The following ATAD3C variants were observed in gnomAD, a reference collection of about 807,000 sequenced individuals.
The protein encoded by ATAD3C is ATPase family AAA domain-containing protein 3C.
A neutral mutation model predicts 46.3 loss-of-function variants in ATAD3C; 38 were observed. That is an observed-to-expected ratio of 0.82 (90% CI 0.63 to 1.08). The LOEUF is 1.08. ATAD3C is among the 50% of genes least tolerant of loss of function. The pLI, the probability that ATAD3C is intolerant of heterozygous loss-of-function variation, is 0.00. For missense variants in ATAD3C, 563 were observed against 572.7 expected, an observed-to-expected ratio of 0.98 and a Z score of 0.17; for synonymous variants, 220 against 236.4, an observed-to-expected ratio of 0.93 and a Z score of 0.63.
At position 1,469,717 on chromosome 1, in the gene ATAD3C, G is replaced by T. The variant is rs1639210602; in HGVS notation, c.*1187G>T. 1.4e-5 allele frequency: 2 copies of T among 147,986 alleles called. No individual in the cohort carries two copies. The highest frequency in any genetic ancestry group is 3.0e-5 in the Non-Finnish European group (2 of 67,272). The allele number at this position is 147,986 out of a possible 1,614,324, so 9.2% of individuals were successfully genotyped here. A position where few individuals can be genotyped will look rare whatever the true frequency, so the allele number is the denominator to read the frequency against. On this transcript the variant is annotated 3_prime_UTR_variant, in exon 12 of 12. Transcript: ENST00000378785. ...TTGGCAATAGAGTCTTGCTCGCCCA[G>T]GGTGGAGTGCAGTGGTGTGATCTCG... is the stretch of plus-strand genomic sequence containing the variant.
chr1:1,468,337 G>T (rs765633868), intron 11 of ATAD3C, 47 bp from the exon 12 acceptor site: 4 of 1,576,626 alleles, frequency 2.5e-6, no homozygotes, highest in South Asian at 1.2e-5. Flanking sequence ...CATTTGGGGT[G>T]GGGGGTTCCC....
In ATAD3C at chr1:1,455,721, T is replaced by C. The variant is rs572516167; in HGVS notation, c.439-70T>C. On this transcript the variant is annotated intron_variant, in intron 5 of 11. Transcript: ENST00000378785. ...GAGCGGAGTCCACACCCAGGCATTC[T>C]CGCAGCCCCTGCCCCCGAGGCTTCT... is the stretch of plus-strand genomic sequence containing the variant. The C allele has an allele frequency of 6.9e-6, 11 of 1,597,760 alleles. No individual in the cohort carries two copies. The African/African-American group carries it at 1.3e-4, about 20-fold the overall frequency.
chr1:1,457,193 A>C lies in ATAD3C; in HGVS notation c.741+13A>C, dbSNP rs768550667. On this transcript the variant is annotated intron_variant, in intron 8 of 11. Coordinates refer to ENST00000378785, the MANE Select transcript of ATAD3C (RefSeq NM_001039211.3). ...GAAGCGAGCCACTGTGAGTGTCACT[A>C]AGCCTCTGTCTGGCCACAGGAGGGT... 1 of 1,613,336 alleles carries C rather than the reference A, an allele frequency of 6.2e-7. No homozygotes were observed. The highest frequency in any genetic ancestry group is 1.7e-5 in the Admixed American group (1 of 59,960).
intron 7 of ATAD3C, 88 bp from the exon 8 acceptor site, chr1:1,457,041 G>C: frequency 6.3e-7 from 1 of 1,576,234 alleles, no homozygotes; most frequent in Non-Finnish European, 8.7e-7. Context: ...GGATCTGCCT[G>C]CTTGGCCTGC....
chr1:1,465,886 GA>G (rs1639135335), intron 11 of ATAD3C, among the ~76,000 whole-genome samples: 1 of 151,928 alleles, frequency 6.6e-6, no homozygotes, highest in Non-Finnish European at 1.5e-5. Flanking sequence ...TTACTCAGAG[GA>G]AAAGCTGCCA....
Position 1,450,562 on chromosome 1 carries a change from G to T in ATAD3C, c.-122G>T. On this transcript the variant is annotated 5_prime_UTR_variant, in exon 1 of 12. Transcript: ENST00000378785. ...GGAAGGAGGATGGGGAGGCAGGGCT[G>T]GGGGCTTTGAGGTCGAGGCGTGGCC... 1 of 1,270,260 alleles carries T rather than the reference G, an allele frequency of 7.9e-7. No individual in the cohort carries two copies. The highest frequency in any genetic ancestry group is 1.1e-6 in the Non-Finnish European group (1 of 901,746). The allele number at this position is 1,270,260 out of a possible 1,614,324, so 78.7% of individuals were successfully genotyped here.
rs761731541 is a variant in ATAD3C at position 1,468,614 on chromosome 1, A to G, written c.*84A>G. 131 of 1,586,058 alleles carry G rather than the reference A, an allele frequency of 8.3e-5. 1 individual carries two copies. The highest frequency in any genetic ancestry group is 7.2e-4 in the Middle Eastern group (4 of 5,562). ...TTGCGGCCCCGCACATTTAGGAAAT[A>G]CTCCCCGTAATAAAGTCCCACGGGG... On this transcript the variant is annotated 3_prime_UTR_variant, in exon 12 of 12. Transcript: ENST00000378785.
At chr1:1,463,261 C>A (rs530987635) in intron 11 of ATAD3C, among the ~76,000 whole-genome samples, 2 of 152,034 alleles carry the variant, frequency 1.3e-5, no homozygotes, top group Non-Finnish European at 2.9e-5. Flanking sequence ...AGTGTGGGCA[C>A]GGCCATCCAG....
intron 8 of ATAD3C, among the ~76,000 whole-genome samples, chr1:1,457,895 C>G (rs920290088): frequency 6.7e-6 from 1 of 150,280 alleles, no homozygotes; most frequent in African/African-American, 2.4e-5. Context: ...CCATGATGGT[C>G]TAGATCTCTT....
Position 1,455,922 on chromosome 1 carries a change from A to T in ATAD3C, c.564+6A>T, listed in dbSNP as rs1230648005. The T allele has an allele frequency of 1.9e-6, 3 of 1,612,932 alleles. No individual in the cohort carries two copies. Among genetic ancestry groups the T allele is most frequent in the African/African-American group, 1.3e-5 (1 of 74,962 alleles). The stretch of plus-strand genomic sequence containing the variant: ...GGAAGACGCTGTTTGCCAAGGTGAG[A>T]GTGCCTAGCTGAACAGGTGGGCCAG... On this transcript the variant is annotated splice_donor_region_variant and intron_variant, in intron 6 of 11. Coordinates refer to ENST00000378785, the MANE Select transcript of ATAD3C (RefSeq NM_001039211.3).
At chr1:1,451,918 T>C in intron 1 of ATAD3C, 128 bp from the exon 2 acceptor site, 1 of 1,443,294 alleles carries the variant, frequency 6.9e-7, no homozygotes, top group Admixed American at 2.4e-5. Flanking sequence ...GGGTGCGGCG[T>C]CTGCAGGTCC....
chr1:1,468,452 T>C lies in ATAD3C; in HGVS notation c.1158T>C (p.Phe386=). 7 of 1,613,020 alleles carry C rather than the reference T, an allele frequency of 4.3e-6. No homozygotes were observed. Among genetic ancestry groups the C allele is most frequent in the South Asian group, 2.2e-5 (2 of 90,936 alleles). Residue 386 remains phenylalanine, a synonymous_variant, in exon 12 of 12, where the codon TTT becomes TTC. Transcript: ENST00000378785. ...EAMMDACVQD[F]VQQHQQMMRW... ...TGATGGACGCCTGCGTGCAAGACTT[T>C]GTCCAGCAGCACCAGCAGATGATGC...
chr1:1,451,570 C>A (rs1638859671), intron 1 of ATAD3C, among the ~76,000 whole-genome samples: 1 of 151,820 alleles, frequency 6.6e-6, no homozygotes, highest in Non-Finnish European at 1.5e-5. Flanking sequence ...TAGTTTTGAA[C>A]TCCTGACCTC....
chr1:1,461,012 C>T (rs1191834459), intron 10 of ATAD3C, 95 bp downstream of exon 10: 1 of 1,403,810 alleles, frequency 7.1e-7, no homozygotes, highest in Non-Finnish European at 9.4e-7. Context: ...GGCCCTGTCT[C>T]CAGGATGGGC....
At chr1:1,455,399 C>G in intron 4 of ATAD3C, 61 bp from the exon 5 acceptor site, 7 of 1,592,084 alleles carry the variant, frequency 4.4e-6, no homozygotes, top group African/African-American at 1.3e-5. Flanking sequence ...CTTGTGTGTG[C>G]GTTGGTGGCT....
Position 1,462,632 on chromosome 1 carries a change from G to A in ATAD3C, c.1013G>A (p.Arg338Lys). 2 of 1,605,602 alleles carry A rather than the reference G, an allele frequency of 1.2e-6. No homozygotes were observed. Among genetic ancestry groups the A allele is most frequent in the Non-Finnish European group, 1.7e-6 (2 of 1,176,590 alleles). Residue 338 changes from arginine (R) to lysine (K), a missense_variant, in exon 11 of 12, where the codon AGG becomes AAG. Transcript: ENST00000378785. The surrounding 1 kb of genome is among the most constrained non-coding windows in gnomAD (Gnocchi z 4.5). Reference sequence around the variant, plus strand: ...AAGCTGGCCCAGTTTGACTACGGGAGGAAGTGCTTAGAGATCGCTCGGCTG... The same window carrying A: ...AAGCTGGCCCAGTTTGACTACGGGAAGAAGTGCTTAGAGATCGCTCGGCTG... ...RLKLAQFDYG[R>K]KCLEIARLTE... is the part of the protein sequence containing the mutation.
In ATAD3C at chr1:1,459,930, G is replaced by A. The variant is rs1054502809; in HGVS notation, c.812+699G>A. 6.6e-6 allele frequency among the ~76,000 whole-genome samples: 1 copy of A among 152,036 alleles called. No homozygotes were observed. The highest frequency in any genetic ancestry group is 1.5e-5 in the Non-Finnish European group (1 of 67,970). ...CGTGGCTGACTCCTCAGGCACGTTG[G>A]GCTCCTGGGTCAGCTGCTGCCGGTA... On this transcript the variant is annotated intron_variant, in intron 9 of 11. Coordinates refer to ENST00000378785, the MANE Select transcript of ATAD3C (RefSeq NM_001039211.3). This position sits in a 1 kb window ranked among gnomAD's most constrained non-coding sequence, Gnocchi z 4.9.
rs780147714 is a variant in ATAD3C at position 1,455,542 on chromosome 1, GGGGAGGCGCA to G, written c.438+30_438+39del. On this transcript the variant is annotated intron_variant, in intron 5 of 11. Transcript: ENST00000378785. ...AGTGTAAGTCGGTGTGCCTGGGACC[GGGGAGGCGCA>G]GGGAGGGGACCCCGGAGCTGGGCTG... The G allele has an allele frequency of 1.8e-5, 29 of 1,612,104 alleles. No homozygotes were observed. In the African/African-American group the frequency reaches 3.9e-4, roughly 22 times the overall value.
chr1:1,462,731 C>T lies in ATAD3C; in HGVS notation c.1089+23C>T, dbSNP rs1281764785. ...CAGGTGAGTCAGGCTCGGGTGCACC[C>T]ACCCAGATGGAAGCCCAGCTGCTGT... is the stretch of plus-strand genomic sequence containing the variant. On this transcript the variant is annotated intron_variant, in intron 11 of 11. Transcript: ENST00000378785. This position sits in a 1 kb window ranked among gnomAD's most constrained non-coding sequence, Gnocchi z 4.5. The T allele has an allele frequency of 6.3e-7, 1 of 1,583,884 alleles. No homozygotes were observed. The highest frequency in any genetic ancestry group is 1.8e-5 in the Admixed American group (1 of 55,548).
Sources: gnomAD v4.1 joint callset for allele counts (sites outside exome capture counted in the v4.1 genomes callset) on GRCh38, gnomAD v4.1.1 for gene constraint, Gnocchi (gnomAD v3.1) non-coding constraint, MANE v1.5 for transcripts, NCBI Gene and HGNC (gene_info 2026-07-23, HGNC 2026-07-21) for gene names.